The following PPP4R3A variants were observed in gnomAD, a reference collection of about 807,000 sequenced individuals.
The protein encoded by PPP4R3A is serine/threonine-protein phosphatase 4 regulatory subunit 3A.
In PPP4R3A, 15 loss-of-function variants were observed where a neutral mutation model predicts 91.7. The observed-to-expected ratio is 0.16, with a 90% CI of 0.11 to 0.25. The LOEUF is 0.25. PPP4R3A is among the 10% of genes least tolerant of loss of function. The pLI, the probability that PPP4R3A is intolerant of heterozygous loss-of-function variation, is 1.00. For missense variants in PPP4R3A, 623 were observed against 998.4 expected, an observed-to-expected ratio of 0.62 and a Z score of 5.07; for synonymous variants, 377 against 348.7, an observed-to-expected ratio of 1.08 and a Z score of -0.91.
Position 91,458,804 on chromosome 14 carries a change from CTTATCTTCA to C in PPP4R3A, c.2448_2456del (p.Asp816_Lys819delinsGlu). Reference sequence around the variant, plus strand: ...TCTTTGACAATGGTAACGTATCTTCCTTATCTTCATCCTCATCATCATCTTCATCATCAT... The same window carrying C: ...TCTTTGACAATGGTAACGTATCTTCCTCCTCATCATCATCTTCATCATCAT... On this transcript the variant is annotated inframe_deletion, in exon 15 of 15. Transcript: ENST00000554943. 1 of 1,614,042 alleles carries C rather than the reference CTTATCTTCA, an allele frequency of 6.2e-7. No homozygotes were observed. The highest frequency in any genetic ancestry group is 8.5e-7 in the Non-Finnish European group (1 of 1,179,988).
chr14:91,485,791 A>T, intron 2 of PPP4R3A, 61 bp from the exon 3 acceptor site: 2 of 1,107,272 alleles, frequency 1.8e-6, no homozygotes, highest in Non-Finnish European at 2.6e-6. Flanking sequence ...GAAAATGAAC[A>T]AACAAAAGGA....
At chr14:91,485,904 T>C (rs1009894783) in intron 2 of PPP4R3A, among the ~76,000 whole-genome samples, 174 bp from the exon 3 acceptor site, 1 of 152,202 alleles carries the variant, frequency 6.6e-6, no homozygotes. Context: ...CTTCCCCCAA[T>C]CTATAAAACA....
chr14:91,460,230 T>C (rs1331316582), intron 14 of PPP4R3A, among the ~76,000 whole-genome samples: 2 of 152,178 alleles, frequency 1.3e-5, no homozygotes, highest in South Asian at 2.1e-4. Context: ...GCCAGGATGG[T>C]CTCGGATCTC....
rs1891655609 is a variant in PPP4R3A at position 91,509,665 on chromosome 14, G to C, written c.-18C>G. 6.3e-7 allele frequency: 1 copy of C among 1,589,164 alleles called. No homozygotes were observed. The highest frequency in any genetic ancestry group is 8.5e-7 in the Non-Finnish European group (1 of 1,174,840). Reference sequence around the variant, plus strand: ...TCGGTCATCGTGCCGCCCGGGAACCGGGGCGGGGGCCCCGCCAGTAGACGC... The same window carrying C: ...TCGGTCATCGTGCCGCCCGGGAACCCGGGCGGGGGCCCCGCCAGTAGACGC... On this transcript the variant is annotated 5_prime_UTR_variant, in exon 1 of 15. Transcript: ENST00000554943.
chr14:91,481,047 A>G (rs1889523559), intron 4 of PPP4R3A, among the ~76,000 whole-genome samples: 1 of 151,032 alleles, frequency 6.6e-6, no homozygotes, highest in African/African-American at 2.4e-5. Flanking sequence ...AAAAAAAAAA[A>G]TCAGGCTGGG....
chr14:91,486,925 TAGAG>T (rs762646336), intron 2 of PPP4R3A, among the ~76,000 whole-genome samples: 481 of 89,974 alleles, frequency 5.3e-3, no homozygotes, highest in Non-Finnish European at 8.7e-3. Flanking sequence ...AAAAAAAAAA[TAGAG>T]AGTCAAAATA....
chr14:91,467,959 G>A (rs997169), intron 10 of PPP4R3A, among the ~76,000 whole-genome samples: 63,600 of 151,886 alleles, frequency 0.42, 13,967 homozygotes, highest in Admixed American at 0.45. Flanking sequence ...AGAACCACAA[G>A]TATCTTAAAT....
intron 1 of PPP4R3A, 123 bp from the exon 2 acceptor site, chr14:91,490,925 G>C (rs1890200412): frequency 5.6e-6 from 2 of 358,816 alleles, no homozygotes; most frequent in Non-Finnish European, 8.8e-6. Context: ...TTTTTAATGA[G>C]ACAGGGCTTC....
At chr14:91,472,458 G>GTTTTT (rs76707705) in intron 9 of PPP4R3A, among the ~76,000 whole-genome samples, 15 of 133,196 alleles carry the variant, frequency 1.1e-4, no homozygotes, top group Non-Finnish European at 1.5e-4. Context: ...CAGGAAAATT[G>GTTTTT]TTTTTTTTTT....
In PPP4R3A at chr14:91,485,617, T is replaced by A. The variant is rs1889833572; in HGVS notation, c.297+15A>T. The stretch of plus-strand genomic sequence containing the variant: ...CTTAAAGAAAGCATGTTGATTTTTT[T>A]ATTTAAAAAATTACCTGACATATTT... On this transcript the variant is annotated intron_variant, in intron 3 of 14. Coordinates refer to ENST00000554943, the MANE Select transcript of PPP4R3A (RefSeq NM_001366432.2). 6.4e-7 allele frequency: 1 copy of A among 1,571,672 alleles called. No individual in the cohort carries two copies. Among genetic ancestry groups the A allele is most frequent in the South Asian group, 1.1e-5 (1 of 89,554 alleles).
chr14:91,507,148 G>A (rs963541492), intron 1 of PPP4R3A, among the ~76,000 whole-genome samples: 1 of 151,192 alleles, frequency 6.6e-6, no homozygotes, highest in Non-Finnish European at 1.5e-5. Flanking sequence ...TTGAAACCCC[G>A]TCTCTACTAA....
In PPP4R3A at chr14:91,476,261, T is replaced by A. The variant is rs1449838357; in HGVS notation, c.1110+147A>T. 4.1e-6 allele frequency: 3 copies of A among 731,090 alleles called. No homozygotes were observed. In the African/African-American group the frequency reaches 5.5e-5, roughly 13 times the overall value. 45.3% of individuals were successfully genotyped at this position (731,090 alleles called of 1,614,324 possible). On this transcript the variant is annotated intron_variant, in intron 6 of 14. Coordinates refer to ENST00000554943, the MANE Select transcript of PPP4R3A (RefSeq NM_001366432.2). The stretch of plus-strand genomic sequence containing the variant: ...TCAATACTGTGTGAAAACTGTCTAA[T>A]ATTGGAATTTTACAGCTTCTTTAAC...
chr14:91,491,552 C>A (rs1388147252), intron 1 of PPP4R3A, among the ~76,000 whole-genome samples: 1 of 152,086 alleles, frequency 6.6e-6, no homozygotes, highest in Non-Finnish European at 1.5e-5. Context: ...GGAGTACAGG[C>A]ATGTGCCACC....
Position 91,509,676 on chromosome 14 carries a change from C to G in PPP4R3A, c.-29G>C. On this transcript the variant is annotated 5_prime_UTR_variant, in exon 1 of 15. Coordinates refer to ENST00000554943, the MANE Select transcript of PPP4R3A (RefSeq NM_001366432.2). ...GCCGCCCGGGAACCGGGGCGGGGGC[C>G]CCGCCAGTAGACGCCCAGGAAAGGG... 2 of 1,585,936 alleles carry G rather than the reference C, an allele frequency of 1.3e-6. No individual in the cohort carries two copies. The highest frequency in any genetic ancestry group is 1.7e-6 in the Non-Finnish European group (2 of 1,173,562).
In PPP4R3A at chr14:91,510,298, T is replaced by G. The variant is rs1191429467; in HGVS notation, c.-651A>C. The G allele has an allele frequency of 6.6e-6, 1 of 152,574 alleles. No homozygotes were observed. The highest frequency in any genetic ancestry group is 1.5e-5 in the Non-Finnish European group (1 of 68,448). The allele number at this position is 152,574 out of a possible 1,614,324, so 9.5% of individuals were successfully genotyped here. On this transcript the variant is annotated 5_prime_UTR_variant, in exon 1 of 15. Transcript: ENST00000554943. ...AACCGCCGCCATCTTGGTTCGCCCC[T>G]CAAAAGCGGCGCGCGGGGCCACCCA...
chr14:91,507,541 T>TAGAATATATACTATA (rs1305430338), intron 1 of PPP4R3A, among the ~76,000 whole-genome samples: 5 of 111,658 alleles, frequency 4.5e-5, no homozygotes, highest in African/African-American at 7.2e-5. Flanking sequence ...ATATACTATA[T>TAGAATATATACTATA]ATTATATATA....
chr14:91,504,217 T>C (rs990921800), intron 1 of PPP4R3A, among the ~76,000 whole-genome samples: 3 of 150,790 alleles, frequency 2.0e-5, no homozygotes, highest in Admixed American at 6.6e-5. Flanking sequence ...GGTGTGCACC[T>C]GTAATCCCAG....
chr14:91,506,744 T>C (rs1379600077), intron 1 of PPP4R3A, among the ~76,000 whole-genome samples: 1 of 152,100 alleles, frequency 6.6e-6, no homozygotes, highest in Non-Finnish European at 1.5e-5. Context: ...GAGATGGGGT[T>C]TCGCCATGTT....
intron 1 of PPP4R3A, among the ~76,000 whole-genome samples, chr14:91,492,196 T>C (rs1890267097): frequency 6.6e-6 from 1 of 152,208 alleles, no homozygotes; most frequent in Non-Finnish European, 1.5e-5. Context: ...TCTCCTCTTA[T>C]CAACCAGTTC....
Sources: gnomAD v4.1 joint callset for allele counts (sites outside exome capture counted in the v4.1 genomes callset) on GRCh38, gnomAD v4.1.1 for gene constraint, MANE v1.5 for transcripts, NCBI Gene and HGNC (gene_info 2026-07-23, HGNC 2026-07-21) for gene names.